Variants in KTN1 observed in about 807,000 individuals in gnomAD.
KTN1 encodes kinectin.
KTN1 carries 130 observed loss-of-function variants against 222.5 expected under a neutral mutation model. The ratio of observed to expected loss-of-function variants is 0.58; its 90% CI spans 0.51 to 0.68. The LOEUF is 0.68. Ranked by LOEUF, KTN1 falls within the 30% of genes least tolerant of loss-of-function variation. The pLI is 0.00. For missense variants in KTN1, 1,508 were observed against 1,500.4 expected (o/e 1.01, Z -0.08); for synonymous variants, 512 against 496.3 (o/e 1.03, Z -0.42).
rs752166498 is a variant in KTN1 at position 55,603,269 on chromosome 14, C to T, written c.-30-8750C>T. ...CTCCAAGTTCCATCTTATTTCTCTGCATCCTTTCATAGGAAAGCTGCTTCA... is the reference window on the plus strand; with the variant it reads ...CTCCAAGTTCCATCTTATTTCTCTGTATCCTTTCATAGGAAAGCTGCTTCA... On this transcript the variant is annotated intron_variant, in intron 1 of 43. Transcript: ENST00000395314. Among the ~76,000 whole-genome samples, 5 of 152,124 alleles carry T rather than the reference C, an allele frequency of 3.3e-5. 1 individual carries two copies. Among genetic ancestry groups the T allele is most frequent in the Admixed American group, 6.6e-5 (1 of 15,262 alleles).
At chr14:55,652,028 GA>G (rs1475229606) in intron 25 of KTN1, 101 bp downstream of exon 25, 12 of 697,172 alleles carry the variant, frequency 1.7e-5, no homozygotes, top group Admixed American at 3.1e-5. Context: ...TGGTGTTTTA[GA>G]AAATACGAAA....
chr14:55,646,593 TTTTC>T (rs1358828038), intron 18 of KTN1, among the ~76,000 whole-genome samples: 2 of 150,898 alleles, frequency 1.3e-5, no homozygotes, highest in African/African-American at 4.9e-5. Flanking sequence ...TCTTTTCTTC[TTTTC>T]TTTCTTTTTT....
intron 32 of KTN1, chr14:55,662,808 G>A: frequency 2.2e-6 from 1 of 453,526 alleles, no homozygotes; most frequent in South Asian, 1.6e-5. Flanking sequence ...TGGTATAACA[G>A]TACTAACAGC....
chr14:55,644,798 C>G (rs763957657), intron 18 of KTN1, among the ~76,000 whole-genome samples: 2 of 151,654 alleles, frequency 1.3e-5, no homozygotes, highest in Non-Finnish European at 2.9e-5. Flanking sequence ...TGGATTAAAC[C>G]AATAAAGTAT....
At chr14:55,652,393 CTTTTT>C (rs769501863) in intron 25 of KTN1, among the ~76,000 whole-genome samples, 1 of 117,426 alleles carries the variant, frequency 8.5e-6, no homozygotes, top group Non-Finnish European at 1.7e-5. Flanking sequence ...TCTTAAATGC[CTTTTT>C]TTTTTTTTTT....
chr14:55,667,379 G>T, intron 34 of KTN1, 49 bp downstream of exon 34: 2 of 1,122,324 alleles, frequency 1.8e-6, no homozygotes, highest in Non-Finnish European at 2.6e-6. Context: ...ATTCAAGAAA[G>T]GTGTGAATAA....
chr14:55,651,667 T>G, intron 24 of KTN1: 2 of 511,974 alleles, frequency 3.9e-6, no homozygotes, highest in Non-Finnish European at 7.0e-6. Flanking sequence ...AGACTTATTA[T>G]TCATAACTAT....
At chr14:55,583,553 C>A (rs1203314270) in intron 1 of KTN1, among the ~76,000 whole-genome samples, 1 of 152,158 alleles carries the variant, frequency 6.6e-6, no homozygotes, top group Non-Finnish European at 1.5e-5. Flanking sequence ...ACTCTTCTTC[C>A]AGGACATTCT....
chr14:55,619,382 C>G, intron 5 of KTN1, 70 bp downstream of exon 5: 1 of 1,451,378 alleles, frequency 6.9e-7, no homozygotes, highest in African/African-American at 1.4e-5. Context: ...AAGACTTTAG[C>G]CAGAGCAATT....
rs566894210 is a variant in KTN1 at position 55,656,686 on chromosome 14, C to G, written c.2892+554C>G. ...TTCAGCATGTTGGCCAGACTGGTCT[C>G]GAACTCCTGACCTCAGGTGATCCTC... On this transcript the variant is annotated intron_variant, in intron 29 of 43. Transcript: ENST00000395314. Among the ~76,000 whole-genome samples, 5 of 152,160 alleles carry G rather than the reference C, an allele frequency of 3.3e-5. No homozygotes were observed. In the South Asian group the frequency reaches 1.0e-3, roughly 32 times the overall value.
chr14:55,582,814 C>T (rs147740036), intron 1 of KTN1, among the ~76,000 whole-genome samples: 451 of 152,190 alleles, frequency 3.0e-3, no homozygotes, highest in Non-Finnish European at 4.7e-3. Flanking sequence ...TTTGCAAGAT[C>T]GTTCATATAT....
At position 55,630,060 on chromosome 14, in the gene KTN1, A is replaced by T. The variant is rs564744260; in HGVS notation, c.1184A>T (p.His395Leu). 2.7e-5 allele frequency: 44 copies of T among 1,609,812 alleles called. No homozygotes were observed. The African/African-American group carries it at 5.7e-4, about 21-fold the overall frequency. The change falls in exon 7 of 44, where the codon CAT becomes CTT. Residue 395 changes from histidine (H) to leucine (L), a missense_variant. His to Leu is a moderately conservative substitution (Grantham distance 99). Coordinates refer to ENST00000395314, the MANE Select transcript of KTN1 (RefSeq NM_001079521.2). Reference protein sequence around the residue: ...KEHNVFQNKIHVSYQETQQMQ... With the variant: ...KEHNVFQNKILVSYQETQQMQ... ...CATAATGTATTTCAAAACAAAATAC[A>T]TGTCAGTTATCAAGAGACTCAACAG... is the stretch of plus-strand genomic sequence containing the variant.
At chr14:55,631,347 T>TG (rs1566752755) in intron 7 of KTN1, among the ~76,000 whole-genome samples, 5 of 125,580 alleles carry the variant, frequency 4.0e-5, no homozygotes, top group Non-Finnish European at 5.2e-5. Flanking sequence ...GGTTGATATA[T>TG]ATATATATAT....
At chr14:55,635,574 A>G (rs1318161654) in intron 9 of KTN1, among the ~76,000 whole-genome samples, 2 of 152,194 alleles carry the variant, frequency 1.3e-5, no homozygotes, top group Non-Finnish European at 2.9e-5. Context: ...TGCTTATACT[A>G]TGAAGAGATG....
chr14:55,670,833 T>G, intron 35 of KTN1, 24 bp downstream of exon 35: 1 of 1,467,408 alleles, frequency 6.8e-7, no homozygotes, highest in South Asian at 1.2e-5. Context: ...ATGAACTGTT[T>G]GTAATTTAAA....
At chr14:55,646,494 C>G (rs1477299331) in intron 18 of KTN1, among the ~76,000 whole-genome samples, 1 of 105,678 alleles carries the variant, frequency 9.5e-6, no homozygotes, top group Non-Finnish European at 2.0e-5. Flanking sequence ...CCTTTCCTTT[C>G]CTTTCCTTTC....
At chr14:55,615,659 G>C in intron 2 of KTN1, among the ~76,000 whole-genome samples, 1 of 152,078 alleles carries the variant, frequency 6.6e-6, no homozygotes, top group African/African-American at 2.4e-5. Flanking sequence ...TGGAATGAAA[G>C]AGATAAAAAT....
chr14:55,585,298 G>T (rs1456537309), intron 1 of KTN1, among the ~76,000 whole-genome samples: 1 of 152,194 alleles, frequency 6.6e-6, no homozygotes, highest in Non-Finnish European at 1.5e-5. Context: ...AAGGAATGAT[G>T]TTAGAGTGTG....
intron 41 of KTN1, among the ~76,000 whole-genome samples, chr14:55,677,799 G>A (rs986986137): frequency 1.6e-4 from 24 of 152,284 alleles, no homozygotes; most frequent in African/African-American, 5.1e-4. Flanking sequence ...CCCAGGTTCA[G>A]TTGATTCTCC....
Sources: allele counts gnomAD v4.1 joint callset (sites outside exome capture counted in the v4.1 genomes callset), GRCh38; gene constraint gnomAD v4.1.1; transcripts MANE v1.5; gene names NCBI Gene and HGNC (gene_info 2026-07-23, HGNC 2026-07-21).